Variants in MTHFD2L observed in about 807,000 individuals in gnomAD.
The protein encoded by MTHFD2L is bifunctional methylenetetrahydrofolate dehydrogenase/cyclohydrolase 2, mitochondrial.
MTHFD2L carries 29 observed loss-of-function variants against 34.9 expected under a neutral mutation model. The observed-to-expected ratio is 0.83, with a 90% CI of 0.62 to 1.13. The LOEUF is 1.13. MTHFD2L is among the 50% of genes most tolerant of loss of function. MTHFD2L has a pLI of 0.00. For missense variants in MTHFD2L, 481 were observed against 446.5 expected (o/e 1.08, Z -0.70); for synonymous variants, 167 against 155.7 (o/e 1.07, Z -0.54).
chr4:74,260,861 T>C (rs1436126743), intron 6 of MTHFD2L, among the ~76,000 whole-genome samples: 1 of 151,960 alleles, frequency 6.6e-6, no homozygotes, highest in Non-Finnish European at 1.5e-5. Flanking sequence ...CATAACCTTC[T>C]ATAAATGCAG....
intron 6 of MTHFD2L, among the ~76,000 whole-genome samples, chr4:74,251,257 G>A (rs958106585): frequency 5.3e-5 from 8 of 152,286 alleles, no homozygotes; most frequent in Admixed American, 4.6e-4. Flanking sequence ...TGCAAAACTT[G>A]CGGTTCTTGA....
At chr4:74,115,403 G>T (rs955141863) in intron 2 of MTHFD2L, among the ~76,000 whole-genome samples, 1 of 152,158 alleles carries the variant, frequency 6.6e-6, no homozygotes, top group African/African-American at 2.4e-5. Flanking sequence ...TTCTTCTGTC[G>T]CCATAGTTGT....
chr4:74,264,284 TTATC>T (rs1429333142), intron 6 of MTHFD2L, among the ~76,000 whole-genome samples: 1 of 152,082 alleles, frequency 6.6e-6, no homozygotes, highest in African/African-American at 2.4e-5. Flanking sequence ...TCATATATGA[TTATC>T]TATTTAGAAA....
intron 6 of MTHFD2L, among the ~76,000 whole-genome samples, chr4:74,249,100 T>G (rs1335747313): frequency 1.4e-4 from 22 of 152,090 alleles, no homozygotes; most frequent in Non-Finnish European, 2.6e-4. Context: ...CTCCCATTAT[T>G]AATGTGTGGG....
chr4:74,164,525 T>G (rs1726223460), intron 1 of MTHFD2L, among the ~76,000 whole-genome samples: 1 of 152,220 alleles, frequency 6.6e-6, no homozygotes, highest in Admixed American at 6.5e-5. Flanking sequence ...ATGTTTCTGG[T>G]TATCGAAATA....
intron 1 of MTHFD2L, among the ~76,000 whole-genome samples, chr4:74,150,418 T>G (rs931750058): frequency 1.3e-5 from 2 of 152,218 alleles, no homozygotes; most frequent in Admixed American, 6.5e-5. Flanking sequence ...CATGCCCAGC[T>G]AATTTTGTAT....
intron 7 of MTHFD2L, among the ~76,000 whole-genome samples, chr4:74,296,677 T>G (rs577768169): frequency 6.5e-4 from 99 of 152,228 alleles, no homozygotes; most frequent in Non-Finnish European, 1.1e-3. Context: ...TTCCCACCGT[T>G]AGAAATATCT....
chr4:74,239,386 T>C (rs999865300), intron 6 of MTHFD2L, among the ~76,000 whole-genome samples: 7 of 151,820 alleles, frequency 4.6e-5, no homozygotes, highest in Admixed American at 4.6e-4. Context: ...ATACCTAATA[T>C]AAATGACAAG....
At chr4:74,293,296 T>C (rs886214070) in intron 7 of MTHFD2L, among the ~76,000 whole-genome samples, 8 of 152,172 alleles carry the variant, frequency 5.3e-5, no homozygotes, top group African/African-American at 1.9e-4. Flanking sequence ...CATGCAGTGT[T>C]TGGTTTTCTG....
chr4:74,177,019 A>G (rs561858141), intron 3 of MTHFD2L, among the ~76,000 whole-genome samples: 3 of 152,104 alleles, frequency 2.0e-5, no homozygotes, highest in Non-Finnish European at 2.9e-5. Context: ...TTCCTCCAAT[A>G]TAGCTGCACT....
Position 74,174,515 on chromosome 4 carries a change from C to A in MTHFD2L, c.153C>A (p.Ala51=). Residue 51 remains alanine (A), a synonymous_variant, in exon 2 of 8, where the codon GCC becomes GCA. Transcript: ENST00000325278. ...GTTTTGCTTTCCACAGACATGAAGC[C>A]ATTATTATATCAGGAACCGAAATGG... ...GFRSSGVRHE[A]IIISGTEMAK... 6.5e-7 allele frequency: 1 copy of A among 1,541,986 alleles called. No homozygotes were observed. Among genetic ancestry groups the A allele is most frequent in the South Asian group, 1.3e-5 (1 of 78,994 alleles).
intron 1 of MTHFD2L, among the ~76,000 whole-genome samples, chr4:74,165,738 T>G (rs983278912): frequency 6.6e-6 from 1 of 152,234 alleles, no homozygotes; most frequent in Non-Finnish European, 1.5e-5. Context: ...AATGGTTATT[T>G]TAGTTTTAAA....
At chr4:74,190,602 C>T in intron 3 of MTHFD2L, 1 of 744,268 alleles carries the variant, frequency 1.3e-6, no homozygotes, top group Middle Eastern at 6.9e-4. Context: ...TGTTCCCATT[C>T]CTTTTCTGTC....
intron 5 of MTHFD2L, among the ~76,000 whole-genome samples, chr4:74,222,288 G>T (rs888991616): frequency 6.7e-6 from 1 of 149,868 alleles, no homozygotes; most frequent in Non-Finnish European, 1.5e-5. Flanking sequence ...ATAAAGAATA[G>T]AAATTTATTT....
At chr4:74,222,206 G>A (rs1394554633) in intron 5 of MTHFD2L, among the ~76,000 whole-genome samples, 1 of 151,978 alleles carries the variant, frequency 6.6e-6, no homozygotes, top group Admixed American at 6.6e-5. Context: ...TAAAAGCAAA[G>A]ACCATTTACA....
chr4:74,210,855 T>C (rs1736193916), intron 5 of MTHFD2L, among the ~76,000 whole-genome samples: 1 of 152,150 alleles, frequency 6.6e-6, no homozygotes, highest in Non-Finnish European at 1.5e-5. Context: ...TGTCCTCTCT[T>C]ATTTCCTTGA....
chr4:74,197,639 A>G (rs1409142483), intron 3 of MTHFD2L, among the ~76,000 whole-genome samples: 1 of 152,130 alleles, frequency 6.6e-6, no homozygotes, highest in Non-Finnish European at 1.5e-5. Context: ...CTTAGAACAA[A>G]AAGATATGGA....
At chr4:74,271,388 T>A (rs566161269) in intron 6 of MTHFD2L, among the ~76,000 whole-genome samples, 1 of 152,356 alleles carries the variant, frequency 6.6e-6, no homozygotes, top group African/African-American at 2.4e-5. Context: ...TTTCTACATA[T>A]GGCTAGCCAG....
intron 6 of MTHFD2L, among the ~76,000 whole-genome samples, chr4:74,273,980 T>G (rs183938088): frequency 3.1e-4 from 47 of 152,206 alleles, no homozygotes; most frequent in Non-Finnish European, 3.1e-4. Flanking sequence ...CAGAGGAACT[T>G]TCTGAATTTC....
Sources: allele counts gnomAD v4.1 joint callset (sites outside exome capture counted in the v4.1 genomes callset), GRCh38; gene constraint gnomAD v4.1.1; transcripts MANE v1.5; gene names NCBI Gene and HGNC (gene_info 2026-07-23, HGNC 2026-07-21).